Variants in AQP9 observed in about 807,000 individuals in gnomAD.
AQP9 encodes aquaporin 9.
In AQP9, 19 loss-of-function variants were observed where a neutral mutation model predicts 23.8. That is an observed-to-expected ratio of 0.80 (90% CI 0.56 to 1.17). The LOEUF (loss-of-function observed/expected upper bound fraction) is 1.17, where lower values mean the gene tolerates loss of function less well. Among genes scored for constraint, AQP9 ranks in the 50% most tolerant of loss-of-function variants. The pLI, the probability that AQP9 is intolerant of heterozygous loss-of-function variation, is 0.00. For synonymous variants in AQP9, 153 were observed against 131.5 expected (o/e 1.16, Z -1.12); for missense variants, 413 against 362.0 (o/e 1.14, Z -1.14).
chr15:58,146,840 A>T (rs576891881), intron 1 of AQP9: 3 of 152,104 alleles, frequency 2.0e-5, no homozygotes, highest in Admixed American at 6.6e-5. Flanking sequence ...GTTGAAGAGC[A>T]CTCTCCCAAA....
chr15:58,179,446 G>T, intron 5 of AQP9, 101 bp downstream of exon 5: 2 of 1,061,460 alleles, frequency 1.9e-6, no homozygotes, highest in African/African-American at 3.2e-5. Context: ...AGATGACAGC[G>T]CCAACGTTAA....
At chr15:58,156,506 T>C (rs1477797004) in intron 1 of AQP9, among the ~76,000 whole-genome samples, 1 of 152,164 alleles carries the variant, frequency 6.6e-6, no homozygotes, top group African/African-American at 2.4e-5. Flanking sequence ...CATTACATAG[T>C]ACATTAAATC....
In AQP9 at chr15:58,184,376, C is replaced by A. The variant is rs1403404345; in HGVS notation, c.*241C>A. The A allele has an allele frequency of 2.5e-5, 11 of 433,180 alleles. No homozygotes were observed. Among genetic ancestry groups the A allele is most frequent in the African/African-American group, 4.1e-5 (2 of 49,314 alleles). The allele number at this position is 433,180 out of a possible 1,614,324, so 26.8% of individuals were successfully genotyped here. A position where few individuals can be genotyped will look rare whatever the true frequency, so the allele number is the denominator to read the frequency against. ...TGACTGTCCCCTGAAACAGCCTTCT[C>A]TCCTGCCCTGTTTATTTCATCCTCG... On this transcript the variant is annotated 3_prime_UTR_variant, in exon 6 of 6. Coordinates refer to ENST00000219919, the MANE Select transcript of AQP9 (RefSeq NM_020980.5).
chr15:58,141,871 C>T (rs1254248045), intron 1 of AQP9, among the ~76,000 whole-genome samples: 1 of 152,172 alleles, frequency 6.6e-6, no homozygotes, highest in African/African-American at 2.4e-5. Flanking sequence ...ACAAAAGAAT[C>T]TATGGTCAGG....
At chr15:58,141,853 C>G (rs990458801) in intron 1 of AQP9, among the ~76,000 whole-genome samples, 1 of 152,142 alleles carries the variant, frequency 6.6e-6, no homozygotes, top group Non-Finnish European at 1.5e-5. Flanking sequence ...TCTTAGGGAG[C>G]TTTTGAGACA....
intron 2 of AQP9, among the ~76,000 whole-genome samples, chr15:58,172,389 A>G (rs539166781): frequency 4.8e-4 from 73 of 152,186 alleles, no homozygotes; most frequent in Non-Finnish European, 8.8e-4. Context: ...CAAACTCTCT[A>G]TTTGATTTTA....
At position 58,173,165 on chromosome 15, in the gene AQP9, A is replaced by G. The variant is rs963757663; in HGVS notation, c.336A>G (p.Gly112=). The G allele has an allele frequency of 6.2e-7, 1 of 1,614,088 alleles. No individual in the cohort carries two copies. Among genetic ancestry groups the G allele is most frequent in the Non-Finnish European group, 8.5e-7 (1 of 1,179,996 alleles). The change falls in exon 3 of 6, where the codon GGA becomes GGG. Residue 112 remains glycine (G), a synonymous_variant. Coordinates refer to ENST00000219919, the MANE Select transcript of AQP9 (RefSeq NM_020980.5). ...TTTATGTGGGAGCCCAGTTCTTGGG[A>G]GCCTTTGTGGGGGCTGCAACCGTCT... is the stretch of plus-strand genomic sequence containing the variant. ...LPFYVGAQFL[G]AFVGAATVFG...
rs74016576 is a variant in AQP9 at position 58,177,259 on chromosome 15, T to G, written c.496-1869T>G. On this transcript the variant is annotated intron_variant, in intron 4 of 5. Transcript: ENST00000219919. ...ATCAATCATTTATTTACCCAATAAC[T>G]ATTTACTGGGCACCTACTTAGCCAA... 1.0e-2 allele frequency among the ~76,000 whole-genome samples: 1,522 copies of G among 152,346 alleles called. 21 individuals carry two copies. Among genetic ancestry groups the G allele is most frequent in the African/African-American group, 0.035 (1,456 of 41,562 alleles).
At chr15:58,146,258 T>A (rs1754054920) in intron 1 of AQP9, among the ~76,000 whole-genome samples, 1 of 152,180 alleles carries the variant, frequency 6.6e-6, no homozygotes, top group South Asian at 2.1e-4. Context: ...TCTGTCATTT[T>A]TTTATGCCTC....
intron 1 of AQP9, among the ~76,000 whole-genome samples, chr15:58,162,359 C>T (rs1226331610): frequency 2.0e-5 from 3 of 152,178 alleles, no homozygotes; most frequent in African/African-American, 7.2e-5. Context: ...GGCTTATTCT[C>T]CTTGGTCCCA....
chr15:58,140,689 T>A (rs1251980649), intron 1 of AQP9, among the ~76,000 whole-genome samples: 1 of 152,234 alleles, frequency 6.6e-6, no homozygotes, highest in East Asian at 1.9e-4. Flanking sequence ...CTTTGTACAT[T>A]GATAAGGCAA....
chr15:58,173,194 G>C lies in AQP9; in HGVS notation c.365G>C (p.Gly122Ala). The C allele has an allele frequency of 6.2e-7, 1 of 1,614,122 alleles. No individual in the cohort carries two copies. Among genetic ancestry groups the C allele is most frequent in the Non-Finnish European group, 8.5e-7 (1 of 1,180,012 alleles). ...TTTGTGGGGGCTGCAACCGTCTTTGGCATTTACTATGGTGAGTAAAGTCCC... is the reference window on the plus strand; with the variant it reads ...TTTGTGGGGGCTGCAACCGTCTTTGCCATTTACTATGGTGAGTAAAGTCCC... ...GAFVGAATVF[G>A]IYYDGLMSFA... Residue 122 changes from glycine (G) to alanine (A), a missense_variant, in exon 3 of 6, where the codon GGC (glycine) becomes GCC (alanine). Coordinates refer to ENST00000219919, the MANE Select transcript of AQP9 (RefSeq NM_020980.5).
Position 58,166,665 on chromosome 15 carries a change from C to A in AQP9, c.112-8C>A, listed in dbSNP as rs1208951219. 8.1e-6 allele frequency: 13 copies of A among 1,604,658 alleles called. No homozygotes were observed. Among genetic ancestry groups the A allele is most frequent in the Non-Finnish European group, 1.1e-5 (13 of 1,175,520 alleles). On this transcript the variant is annotated splice_region_variant and splice_polypyrimidine_tract_variant and intron_variant, in intron 1 of 5. Coordinates refer to ENST00000219919, the MANE Select transcript of AQP9 (RefSeq NM_020980.5). ...CCACTTACCTGTTGAGTTTTCCTCT[C>A]ATTCCAGGTCCTTGGATGTGGCTGT...
chr15:58,157,017 C>T (rs537807236), intron 1 of AQP9, among the ~76,000 whole-genome samples: 9 of 152,244 alleles, frequency 5.9e-5, no homozygotes, highest in East Asian at 1.9e-4. Flanking sequence ...CACATATATA[C>T]GTGTGTACAA....
intron 5 of AQP9, among the ~76,000 whole-genome samples, chr15:58,182,240 A>G (rs902223631): frequency 7.9e-5 from 12 of 152,332 alleles, no homozygotes; most frequent in African/African-American, 2.9e-4. Flanking sequence ...AAATTTTTCA[A>G]ATAGTTGGCC....
intron 2 of AQP9, among the ~76,000 whole-genome samples, chr15:58,167,239 A>G (rs1898529185): frequency 6.6e-6 from 1 of 152,226 alleles, no homozygotes. Context: ...GCTTTCATGG[A>G]CGTGCAGATC....
At chr15:58,145,164 T>G (rs1392030820) in intron 1 of AQP9, among the ~76,000 whole-genome samples, 4 of 152,156 alleles carry the variant, frequency 2.6e-5, no homozygotes, top group African/African-American at 9.7e-5. Flanking sequence ...TGATCAGCTT[T>G]CTTTATTCTT....
chr15:58,165,788 T>C (rs1898487867), intron 1 of AQP9, among the ~76,000 whole-genome samples: 1 of 152,160 alleles, frequency 6.6e-6, no homozygotes, highest in South Asian at 2.1e-4. Flanking sequence ...CAGCTGAAGA[T>C]TGTGGAAGAC....
chr15:58,143,938 G>T (rs1165612625), intron 1 of AQP9, among the ~76,000 whole-genome samples: 1 of 152,180 alleles, frequency 6.6e-6, no homozygotes, highest in African/African-American at 2.4e-5. Flanking sequence ...TGATTTCAAA[G>T]TTGTACTTCC....
Sources: gnomAD v4.1 joint callset for allele counts (sites outside exome capture counted in the v4.1 genomes callset) on GRCh38, gnomAD v4.1.1 for gene constraint, MANE v1.5 for transcripts, NCBI Gene and HGNC (gene_info 2026-07-23, HGNC 2026-07-21) for gene names.